KIAA1549L: variants seen among roughly 807,000 people sequenced by gnomAD.
KIAA1549L encodes the protein UPF0606 protein KIAA1549L.
A neutral mutation model predicts 160.7 loss-of-function variants in KIAA1549L; 88 were observed. That is an observed-to-expected ratio of 0.55 (90% CI 0.46 to 0.65). KIAA1549L has a LOEUF of 0.65. KIAA1549L is among the 30% of genes least tolerant of loss of function. KIAA1549L has a pLI of 0.00. For missense variants in KIAA1549L, 2,258 were observed against 2,437.5 expected, an observed-to-expected ratio of 0.93 and a Z score of 1.55; for synonymous variants, 950 against 976.7, an observed-to-expected ratio of 0.97 and a Z score of 0.51.
At chr11:33,531,014 C>G (rs1383498520) in intron 1 of KIAA1549L, among the ~76,000 whole-genome samples, 4 of 152,164 alleles carry the variant, frequency 2.6e-5, no homozygotes, top group African/African-American at 9.7e-5. Context: ...CAGTATGAGT[C>G]ATGGTTTTCT....
intron 1 of KIAA1549L, among the ~76,000 whole-genome samples, chr11:33,380,576 C>G (rs1819944299): frequency 6.6e-6 from 1 of 152,070 alleles, no homozygotes; most frequent in South Asian, 2.1e-4. Flanking sequence ...AGTTCAGGTC[C>G]TGAATACTTC....
At chr11:33,416,849 C>T (rs1191730432) in intron 1 of KIAA1549L, among the ~76,000 whole-genome samples, 3 of 152,190 alleles carry the variant, frequency 2.0e-5, no homozygotes, top group Admixed American at 2.0e-4. Flanking sequence ...TTGGTTTTAC[C>T]TTCAGCTGGA....
chr11:33,661,698 G>A (rs994592418), intron 20 of KIAA1549L, among the ~76,000 whole-genome samples: 2 of 151,992 alleles, frequency 1.3e-5, no homozygotes. Context: ...TGGCAAACAT[G>A]GTGAAACCCC....
rs568349921 is a variant in KIAA1549L at position 33,530,437 on chromosome 11, ATATATATATATATATATATATATATATAT to A, written c.239-11364_239-11336del. Reference sequence around the variant, plus strand: ...AGGAAAAAAAAAAAAAAAAAAAAAAATATATATATATATATATATATATATATATATATATATATATATATATGCAAGAT... The same window carrying A: ...AGGAAAAAAAAAAAAAAAAAAAAAAAATATATATATATATATATGCAAGAT... On this transcript the variant is annotated intron_variant, in intron 1 of 20. Transcript: ENST00000658780. Among the ~76,000 whole-genome samples, 5 of 3,192 alleles carry A rather than the reference ATATATATATATATATATATATATATATAT, an allele frequency of 1.6e-3. 1 individual carries two copies. The highest frequency in any genetic ancestry group is 0.016 in the East Asian group (2 of 128). The allele number at this position is 3,192 out of a possible 152,430, so 2.1% of individuals were successfully genotyped here.
At chr11:33,394,367 C>G (rs1850327048) in intron 1 of KIAA1549L, among the ~76,000 whole-genome samples, 1 of 151,906 alleles carries the variant, frequency 6.6e-6, no homozygotes, top group Non-Finnish European at 1.5e-5. Flanking sequence ...GCCTGGACAA[C>G]AGAGCCAGAT....
At position 33,591,368 on chromosome 11, in the gene KIAA1549L, C is replaced by T. The variant is rs773857516; in HGVS notation, c.4698C>T (p.Val1566=). The T allele has an allele frequency of 1.9e-6, 3 of 1,613,292 alleles. No individual in the cohort carries two copies. The highest frequency in any genetic ancestry group is 1.1e-5 in the South Asian group (1 of 91,040). ...GAGATGCTCCTCAGGAAAGAGACGTCGCTCAGGATGGAAGCACCATCAAGA... is the reference window on the plus strand; with the variant it reads ...GAGATGCTCCTCAGGAAAGAGACGTTGCTCAGGATGGAAGCACCATCAAGA... ...PIRDAPQERD[V]AQDGSTIKTA... is the part of the protein sequence containing the mutation. Residue 1566 remains valine (V), a synonymous_variant, in exon 12 of 21, where the codon GTC becomes GTT. Coordinates refer to ENST00000658780, the MANE Select transcript of KIAA1549L (RefSeq NM_012194.3).
chr11:33,505,799 A>G (rs746684051), intron 1 of KIAA1549L, among the ~76,000 whole-genome samples: 2 of 152,182 alleles, frequency 1.3e-5, no homozygotes, highest in Non-Finnish European at 1.5e-5. Context: ...TTATGGCCAG[A>G]TTTTTGGCAC....
rs1281027294 is a variant in KIAA1549L at position 33,669,989 on chromosome 11, G to A, written c.*1835G>A. ...TTTCTATCAATGGCCAGTTGTTGTAGTCCAAAACCTAAATCAGTTTGCAAA... is the reference window on the plus strand; with the variant it reads ...TTTCTATCAATGGCCAGTTGTTGTAATCCAAAACCTAAATCAGTTTGCAAA... On this transcript the variant is annotated 3_prime_UTR_variant, in exon 21 of 21. Transcript: ENST00000658780. 2.6e-5 allele frequency: 4 copies of A among 152,188 alleles called. No homozygotes were observed. The highest frequency in any genetic ancestry group is 2.6e-4 in the Admixed American group (4 of 15,286). 9.4% of individuals were successfully genotyped at this position (152,188 alleles called of 1,614,324 possible).
At chr11:33,489,976 G>T (rs369740088) in intron 1 of KIAA1549L, among the ~76,000 whole-genome samples, 9 of 152,264 alleles carry the variant, frequency 5.9e-5, no homozygotes, top group African/African-American at 2.2e-4. Flanking sequence ...TTTGAGATAG[G>T]TGTGACTTCT....
chr11:33,640,191 T>G (rs1195548885), intron 16 of KIAA1549L, among the ~76,000 whole-genome samples: 4 of 152,188 alleles, frequency 2.6e-5, no homozygotes, highest in African/African-American at 9.6e-5. Context: ...GTATTCTGTT[T>G]ATAAAATCAT....
At chr11:33,598,043 T>A (rs537358786) in intron 12 of KIAA1549L, among the ~76,000 whole-genome samples, 1 of 152,190 alleles carries the variant, frequency 6.6e-6, no homozygotes, top group African/African-American at 2.4e-5. Flanking sequence ...TTGGGGGGCA[T>A]GGGGTGCTAT....
At chr11:33,614,531 G>GCTACATATATATATATATAT (rs879500574) in intron 15 of KIAA1549L, among the ~76,000 whole-genome samples, 2 of 27,104 alleles carry the variant, frequency 7.4e-5, no homozygotes, top group Non-Finnish European at 1.3e-4. Context: ...AGTGTAACAA[G>GCTACATATATATATATATAT]ATATATATAT....
At chr11:33,494,238 T>A (rs1426636567) in intron 1 of KIAA1549L, among the ~76,000 whole-genome samples, 1 of 152,212 alleles carries the variant, frequency 6.6e-6, no homozygotes, top group Non-Finnish European at 1.5e-5. Flanking sequence ...ATAGATATGT[T>A]TTACTCTGAA....
chr11:33,499,597 C>A (rs1455914787), intron 1 of KIAA1549L, among the ~76,000 whole-genome samples: 8 of 152,206 alleles, frequency 5.3e-5, no homozygotes, highest in Non-Finnish European at 1.2e-4. Context: ...AGAGTGAACA[C>A]CCCCATCTCT....
At chr11:33,566,422 T>C (rs907435835) in intron 8 of KIAA1549L, among the ~76,000 whole-genome samples, 7 of 152,208 alleles carry the variant, frequency 4.6e-5, no homozygotes, top group Non-Finnish European at 7.3e-5. Context: ...CATGATCTGA[T>C]AGCTGTGTCA....
rs9666829 is a variant in KIAA1549L, at chr11:33,642,661, A to G, written c.5410-3025A>G. Among the ~76,000 whole-genome samples the G allele has an allele frequency of 5.3e-5, 8 of 150,098 alleles. No homozygotes were observed. In the East Asian group the frequency reaches 9.7e-4, roughly 18 times the overall value. ...ATGAGTCAGGGTAGAGTAGGTAATCAGAATGAGTCAGGGTGGAGCAGGTAA... is the reference window on the plus strand; with the variant it reads ...ATGAGTCAGGGTAGAGTAGGTAATCGGAATGAGTCAGGGTGGAGCAGGTAA... On this transcript the variant is annotated intron_variant, in intron 16 of 20. Transcript: ENST00000658780.
intron 16 of KIAA1549L, 130 bp from the exon 17 acceptor site, chr11:33,645,556 C>T (rs536999183): frequency 5.2e-5 from 36 of 693,148 alleles, no homozygotes; most frequent in Middle Eastern, 2.5e-4. Flanking sequence ...AGATAGGGCA[C>T]GTAGGATATA....
chr11:33,531,237 G>A (rs951338429), intron 1 of KIAA1549L, among the ~76,000 whole-genome samples: 1 of 152,080 alleles, frequency 6.6e-6, no homozygotes, highest in South Asian at 2.1e-4. Flanking sequence ...ACTTTCAGAC[G>A]CCAAGGCAGG....
chr11:33,673,114 A>T lies in KIAA1549L; in HGVS notation c.*4960A>T, dbSNP rs531341129. 22 of 152,344 alleles carry T rather than the reference A, an allele frequency of 1.4e-4. No homozygotes were observed. Among genetic ancestry groups the T allele is most frequent in the African/African-American group, 5.3e-4 (22 of 41,582 alleles). 9.4% of individuals were successfully genotyped at this position (152,344 alleles called of 1,614,324 possible). ...AAATGTAAGGTGTTTCTGAGAAGGAATATTTAGGAAATATAATTGTGCCAC... is the reference window on the plus strand; with the variant it reads ...AAATGTAAGGTGTTTCTGAGAAGGATTATTTAGGAAATATAATTGTGCCAC... On this transcript the variant is annotated 3_prime_UTR_variant, in exon 21 of 21. Transcript: ENST00000658780.
Sources: gnomAD v4.1 joint callset for allele counts (sites outside exome capture counted in the v4.1 genomes callset) on GRCh38, gnomAD v4.1.1 for gene constraint, MANE v1.5 for transcripts, NCBI Gene and HGNC (gene_info 2026-07-23, HGNC 2026-07-21) for gene names.